ASAP1: variants seen among roughly 807,000 people sequenced by gnomAD.
The protein encoded by ASAP1 is ArfGAP with SH3 domain, ankyrin repeat and PH domain 1.
Under a neutral mutation model 145.2 loss-of-function variants are expected in ASAP1, and 43 were observed. That is an observed-to-expected ratio of 0.30 (90% CI 0.23 to 0.38). The LOEUF is 0.38. Ranked by LOEUF, ASAP1 falls within the 10% of genes least tolerant of loss-of-function variation. The pLI is 1.00. For missense variants in ASAP1, 1,018 were observed against 1,355.3 expected (o/e 0.75, Z 3.91); for synonymous variants, 546 against 515.5 (o/e 1.06, Z -0.80).
chr8:130,241,489 T>C (rs537621903), intron 3 of ASAP1, among the ~76,000 whole-genome samples: 1 of 152,240 alleles, frequency 6.6e-6, no homozygotes, highest in African/African-American at 2.4e-5. Flanking sequence ...AAAATGCTTA[T>C]GAAATGAAGC....
chr8:130,131,153 A>AAAACAAACAAAC (rs149995760), intron 15 of ASAP1, among the ~76,000 whole-genome samples: 125 of 149,300 alleles, frequency 8.4e-4, no homozygotes, highest in Non-Finnish European at 1.3e-3. Flanking sequence ...CAAGACTCTG[A>AAAACAAACAAAC]AAACAAACAA....
At chr8:130,325,116 A>T (rs960615711) in intron 3 of ASAP1, among the ~76,000 whole-genome samples, 1 of 152,206 alleles carries the variant, frequency 6.6e-6, no homozygotes, top group Admixed American at 6.5e-5. Flanking sequence ...GGGGCGGAAG[A>T]GAATAGCAGC....
intron 3 of ASAP1, among the ~76,000 whole-genome samples, chr8:130,257,815 C>A (rs1819658791): frequency 7.3e-6 from 1 of 136,328 alleles, no homozygotes. Flanking sequence ...TTAGAAGTGC[C>A]TACTAATCTC....
chr8:130,211,576 T>G (rs1269295890), intron 5 of ASAP1, among the ~76,000 whole-genome samples: 1 of 152,208 alleles, frequency 6.6e-6, no homozygotes, highest in African/African-American at 2.4e-5. Flanking sequence ...TAACAAATGT[T>G]TTTCTCATCC....
chr8:130,100,076 G>A (rs1294261689), intron 24 of ASAP1, among the ~76,000 whole-genome samples: 1 of 152,068 alleles, frequency 6.6e-6, no homozygotes, highest in Non-Finnish European at 1.5e-5. Flanking sequence ...TCAGTTTTGT[G>A]AGAAACCTCC....
At chr8:130,209,289 C>T (rs1215189461) in intron 5 of ASAP1, among the ~76,000 whole-genome samples, 2 of 152,100 alleles carry the variant, frequency 1.3e-5, no homozygotes, top group African/African-American at 2.4e-5. Flanking sequence ...ACCTACTTAA[C>T]GGTAGGGTTG....
chr8:130,076,740 T>C (rs1377583765), intron 26 of ASAP1, among the ~76,000 whole-genome samples: 1 of 152,168 alleles, frequency 6.6e-6, no homozygotes. Flanking sequence ...AAGCTGGTCT[T>C]GTACTCCTGA....
intron 3 of ASAP1, among the ~76,000 whole-genome samples, chr8:130,237,675 A>G (rs1258323075): frequency 6.6e-6 from 1 of 152,010 alleles, no homozygotes; most frequent in Non-Finnish European, 1.5e-5. Flanking sequence ...CTAGGAGTCT[A>G]TTGTTGTTGA....
chr8:130,311,761 CAAAAA>C (rs201264577), intron 3 of ASAP1, among the ~76,000 whole-genome samples: 2 of 85,366 alleles, frequency 2.3e-5, no homozygotes, highest in Non-Finnish European at 4.3e-5. Flanking sequence ...AACTCCGTCT[CAAAAA>C]AAAAAAAAAG....
intron 9 of ASAP1, among the ~76,000 whole-genome samples, chr8:130,178,107 C>T (rs1167001818): frequency 1.3e-5 from 2 of 152,154 alleles, no homozygotes; most frequent in Non-Finnish European, 2.9e-5. Context: ...ATACAGGTAT[C>T]TTTCTAAATA....
chr8:130,177,234 C>A (rs7012705), intron 9 of ASAP1, among the ~76,000 whole-genome samples: 51,342 of 152,132 alleles, frequency 0.34, 9,492 homozygotes, highest in East Asian at 0.59. Flanking sequence ...TACAAGTTAG[C>A]ATCACCATTA....
intron 24 of ASAP1, among the ~76,000 whole-genome samples, chr8:130,107,130 A>G (rs1265328386): frequency 6.7e-6 from 1 of 149,378 alleles, no homozygotes; most frequent in Non-Finnish European, 1.5e-5. Flanking sequence ...TGAGACAAGT[A>G]TGGGGCAGGA....
intron 28 of ASAP1, among the ~76,000 whole-genome samples, chr8:130,060,107 A>T (rs960098243): frequency 5.1e-5 from 7 of 137,068 alleles, no homozygotes; most frequent in Non-Finnish European, 1.1e-4. Context: ...AAAAAAAAAT[A>T]GAGAGAGAGA....
At chr8:130,224,968 C>T (rs1205039444) in intron 4 of ASAP1, among the ~76,000 whole-genome samples, 1 of 152,196 alleles carries the variant, frequency 6.6e-6, no homozygotes, top group Non-Finnish European at 1.5e-5. Flanking sequence ...ATAAAAGGGG[C>T]TAATTCTCTT....
intron 3 of ASAP1, among the ~76,000 whole-genome samples, chr8:130,296,270 C>G (rs1822267394): frequency 6.6e-6 from 1 of 152,170 alleles, no homozygotes; most frequent in South Asian, 2.1e-4. Context: ...TGGTTGAACA[C>G]CAGAAAAAGT....
intron 25 of ASAP1, 126 bp from the exon 26 acceptor site, chr8:130,080,097 A>C: frequency 1.2e-6 from 1 of 803,636 alleles, no homozygotes; most frequent in Admixed American, 2.2e-5. Flanking sequence ...ACCCAAGCCA[A>C]AACGGCATGC....
chr8:130,366,309 G>A (rs1177022329), intron 2 of ASAP1, among the ~76,000 whole-genome samples: 1 of 152,162 alleles, frequency 6.6e-6, no homozygotes, highest in African/African-American at 2.4e-5. Context: ...CTAATTTGGG[G>A]CAAGAGGACT....
intron 1 of ASAP1, among the ~76,000 whole-genome samples, chr8:130,423,448 C>A (rs1441243791): frequency 6.6e-6 from 1 of 152,038 alleles, no homozygotes; most frequent in Non-Finnish European, 1.5e-5. Flanking sequence ...ATGTGCCTAC[C>A]CTTTGTCCCT....
chr8:130,366,986 G>C (rs1359524515), intron 2 of ASAP1, among the ~76,000 whole-genome samples: 1 of 146,380 alleles, frequency 6.8e-6, no homozygotes, highest in Admixed American at 7.0e-5. Flanking sequence ...CCACCTCCCA[G>C]GTTCAAGCGA....
Sources: allele counts gnomAD v4.1 joint callset (sites outside exome capture counted in the v4.1 genomes callset), GRCh38; gene constraint gnomAD v4.1.1; transcripts MANE v1.5; gene names NCBI Gene and HGNC (gene_info 2026-07-23, HGNC 2026-07-21).